Variants in ZNF385D observed in about 807,000 individuals in gnomAD.
The protein encoded by ZNF385D is zinc finger protein 659.
A neutral mutation model predicts 35.8 loss-of-function variants in ZNF385D; 15 were observed. The observed-to-expected ratio is 0.42, with a 90% confidence interval of 0.28 to 0.64. The LOEUF (loss-of-function observed/expected upper bound fraction) is 0.64. ZNF385D is among the 30% of genes least tolerant of loss of function. The pLI is 0.23. For missense variants in ZNF385D, 474 were observed against 494.6 expected (o/e 0.96, Z 0.39); for synonymous variants, 212 against 186.8 (o/e 1.13, Z -1.10).
chr3:21,813,676 A>G (rs1311150844), intron 3 of ZNF385D, among the ~76,000 whole-genome samples: 1 of 151,016 alleles, frequency 6.6e-6, no homozygotes, highest in Non-Finnish European at 1.5e-5. Context: ...GAAATGAACA[A>G]AGCCTCCAAG....
intron 3 of ZNF385D, among the ~76,000 whole-genome samples, chr3:21,970,022 G>A (rs2125338125): frequency 6.6e-6 from 1 of 152,284 alleles, no homozygotes; most frequent in Admixed American, 6.5e-5. Context: ...CCCTAAGGCA[G>A]ATATAGCTGC....
At position 21,771,242 on chromosome 3, in the gene ZNF385D, TA is replaced by T. The variant is rs111916347; in HGVS notation, c.326-106215del. Reference sequence around the variant, plus strand: ...TACCCTAGAACTTAAAGTATAATAATAAAAAAAAAAACCTGAGGAAGCCTTA... The same window carrying T: ...TACCCTAGAACTTAAAGTATAATAATAAAAAAAAAACCTGAGGAAGCCTTA... On this transcript the variant is annotated intron_variant, in intron 3 of 5. Coordinates refer to the ZNF385D transcript ENST00000494108. Among the ~76,000 whole-genome samples the T allele has an allele frequency of 2.4e-3, 338 of 142,042 alleles. 1 individual carries two copies. The highest frequency in any genetic ancestry group is 8.0e-3 in the African/African-American group (309 of 38,846). 93.2% of individuals were successfully genotyped at this position (142,042 alleles called of 152,430 possible).
chr3:22,157,481 T>C (rs1338612976), intron 3 of ZNF385D, among the ~76,000 whole-genome samples: 3 of 152,128 alleles, frequency 2.0e-5, no homozygotes, highest in South Asian at 2.1e-4. Context: ...CCCCCAGATG[T>C]AGCTATTCTA....
intron 3 of ZNF385D, among the ~76,000 whole-genome samples, chr3:21,776,764 T>C (rs1264618234): frequency 6.6e-6 from 1 of 151,906 alleles, no homozygotes; most frequent in Non-Finnish European, 1.5e-5. Flanking sequence ...TTACAAATCA[T>C]AATTACACAA....
chr3:21,947,234 G>A (rs1189929268), intron 3 of ZNF385D, among the ~76,000 whole-genome samples: 3 of 152,058 alleles, frequency 2.0e-5, no homozygotes. Flanking sequence ...GCGAATTTAC[G>A]ATTTAAATAT....
intron 3 of ZNF385D, among the ~76,000 whole-genome samples, chr3:22,109,393 T>C (rs1190047026): frequency 6.6e-6 from 1 of 152,204 alleles, no homozygotes; most frequent in African/African-American, 2.4e-5. Flanking sequence ...GTATCACAGC[T>C]TATAGCTACC....
intron 2 of ZNF385D, among the ~76,000 whole-genome samples, chr3:22,328,711 C>CG: frequency 6.6e-6 from 1 of 151,264 alleles, no homozygotes; most frequent in East Asian, 2.0e-4. Flanking sequence ...TGCAGTGAGC[C>CG]AGATTGCACC....
At chr3:21,762,572 G>A (rs944306345) in intron 3 of ZNF385D, among the ~76,000 whole-genome samples, 1 of 151,998 alleles carries the variant, frequency 6.6e-6, no homozygotes, top group African/African-American at 2.4e-5. Context: ...ACCTCATTTG[G>A]CAAAATTAAT....
chr3:21,915,230 G>A (rs978475700), intron 3 of ZNF385D, among the ~76,000 whole-genome samples: 8 of 152,112 alleles, frequency 5.3e-5, no homozygotes, highest in African/African-American at 9.6e-5. Context: ...CAGAAAAAGA[G>A]CTTATATTTC....
At chr3:21,866,042 CTATT>C (rs1248032175) in intron 3 of ZNF385D, among the ~76,000 whole-genome samples, 7 of 151,630 alleles carry the variant, frequency 4.6e-5, no homozygotes, top group African/African-American at 1.7e-4. Flanking sequence ...TCATGTGTAT[CTATT>C]TATAACATTA....
At chr3:22,134,251 C>G (rs557941850) in intron 3 of ZNF385D, 5 of 152,058 alleles carry the variant, frequency 3.3e-5, no homozygotes, top group African/African-American at 1.2e-4. Context: ...TCAAAGAATA[C>G]TGGAGTGTTA....
chr3:22,321,164 G>GTTTTTTT, intron 2 of ZNF385D, among the ~76,000 whole-genome samples: 482 of 75,614 alleles, frequency 6.4e-3, no homozygotes, highest in Non-Finnish European at 7.5e-3. Context: ...TTATGACCTT[G>GTTTTTTT]TTTTTTTTTT....
chr3:21,767,205 A>G (rs561940149), intron 3 of ZNF385D, among the ~76,000 whole-genome samples: 1 of 152,186 alleles, frequency 6.6e-6, no homozygotes, highest in African/African-American at 2.4e-5. Flanking sequence ...GGACAGTGTG[A>G]GATAGCCACC....
At chr3:21,658,765 T>C (rs939146794) in intron 2 of ZNF385D, among the ~76,000 whole-genome samples, 2 of 152,038 alleles carry the variant, frequency 1.3e-5, no homozygotes, top group Non-Finnish European at 2.9e-5. Context: ...CACCTCCAAG[T>C]GACCTCTCCT....
chr3:21,642,595 C>T (rs2065639759), intron 2 of ZNF385D, among the ~76,000 whole-genome samples: 1 of 152,120 alleles, frequency 6.6e-6, no homozygotes, highest in Non-Finnish European at 1.5e-5. Context: ...GCAGAGACTT[C>T]TGAGTATATA....
intron 3 of ZNF385D, among the ~76,000 whole-genome samples, chr3:21,846,977 C>G (rs1407903684): frequency 2.0e-5 from 3 of 151,992 alleles, no homozygotes; most frequent in African/African-American, 7.2e-5. Context: ...TGTAACTAGT[C>G]AGAGGTAAAG....
At chr3:22,345,933 C>T (rs528940592) in intron 2 of ZNF385D, among the ~76,000 whole-genome samples, 1 of 152,172 alleles carries the variant, frequency 6.6e-6, no homozygotes, top group Admixed American at 6.5e-5. Context: ...CCCATGGCTT[C>T]GCTGAAAGCT....
intron 2 of ZNF385D, among the ~76,000 whole-genome samples, chr3:21,619,659 A>G (rs1450392079): frequency 1.3e-5 from 2 of 152,034 alleles, no homozygotes; most frequent in Non-Finnish European, 2.9e-5. Context: ...CCATCTGGGG[A>G]ATGGTGGTAA....
chr3:21,820,925 A>G (rs2125733937), intron 3 of ZNF385D, among the ~76,000 whole-genome samples: 1 of 152,060 alleles, frequency 6.6e-6, no homozygotes, highest in South Asian at 2.1e-4. Flanking sequence ...GAAAACAAAA[A>G]GAAATTTGAA....
Sources: gnomAD v4.1 joint callset for allele counts (sites outside exome capture counted in the v4.1 genomes callset) on GRCh38, gnomAD v4.1.1 for gene constraint, MANE v1.5 for transcripts, NCBI Gene and HGNC (gene_info 2026-07-23, HGNC 2026-07-21) for gene names.